The following KIF20B variants were observed in gnomAD, a reference collection of about 807,000 sequenced individuals.
The protein encoded by KIF20B is kinesin-like protein KIF20B.
A neutral mutation model predicts 232.5 loss-of-function variants in KIF20B; 188 were observed. The observed-to-expected ratio is 0.81, with a 90% CI of 0.72 to 0.91. The LOEUF is 0.91. KIF20B is among the 40% of genes least tolerant of loss of function. The probability of loss-of-function intolerance (pLI) is 0.00; values close to 1 mark genes in which losing one functional copy is unlikely to be tolerated. For synonymous variants in KIF20B, 712 were observed against 683.0 expected (o/e 1.04, Z -0.66); for missense variants, 2,154 against 2,055.9 (o/e 1.05, Z -0.92).
intron 16 of KIF20B, among the ~76,000 whole-genome samples, chr10:89,727,145 A>G (rs536409397): frequency 3.9e-5 from 6 of 152,220 alleles, no homozygotes; most frequent in Non-Finnish European, 7.4e-5. Flanking sequence ...TTCTTGCAGT[A>G]TAGAAGATTC....
chr10:89,726,234 C>T (rs1718370728), intron 15 of KIF20B, 59 bp from the exon 16 acceptor site: 32 of 1,405,150 alleles, frequency 2.3e-5, no homozygotes, highest in South Asian at 8.9e-5. Flanking sequence ...TAGATGGTAC[C>T]ACATGTAAAG....
intron 13 of KIF20B, 151 bp from the exon 14 acceptor site, chr10:89,723,811 CAT>C (rs1164338432): frequency 3.0e-6 from 2 of 664,448 alleles, no homozygotes; most frequent in Non-Finnish European, 4.2e-6. Context: ...TCTTTGCAAA[CAT>C]ATAATTTTCA....
intron 5 of KIF20B, among the ~76,000 whole-genome samples, chr10:89,710,562 TCATTTGTAAAAATACTTTACC>T (rs1842816847): frequency 6.6e-6 from 1 of 152,092 alleles, no homozygotes; most frequent in South Asian, 2.1e-4. Flanking sequence ...TTTATTTAAT[TCATTTGTAAAAATACTTTACC>T]CATTGATAGA....
rs891724282 is a variant in KIF20B at position 89,715,213 on chromosome 10, T to A, written c.940+31T>A. 3.7e-6 allele frequency: 5 copies of A among 1,358,248 alleles called. No homozygotes were observed. In the Admixed American group the frequency reaches 7.6e-5, roughly 21 times the overall value. The allele number at this position is 1,358,248 out of a possible 1,614,324, so 84.1% of individuals were successfully genotyped here. On this transcript the variant is annotated intron_variant, in intron 8 of 32. Transcript: ENST00000371728. ...CTAATGAATATTTTTATCTTATTGC[T>A]CTGAAGTTCTCTTCCTGGGCTTTGT...
chr10:89,754,490 T>C lies in KIF20B; in HGVS notation c.4348-28T>C, dbSNP rs751969126. ...TATTGACTACTTTGTAGGCATGCGA[T>C]AATAACTTATACCATTTATATATAC... is the stretch of plus-strand genomic sequence containing the variant. On this transcript the variant is annotated intron_variant, in intron 25 of 32. Coordinates refer to ENST00000371728, the MANE Select transcript of KIF20B (RefSeq NM_001284259.2). 4.9e-6 allele frequency: 7 copies of C among 1,440,916 alleles called. No homozygotes were observed. The African/African-American group carries it at 8.6e-5, about 18-fold the overall frequency. 89.3% of individuals were successfully genotyped at this position (1,440,916 alleles called of 1,614,324 possible). A position where few individuals can be genotyped will look rare whatever the true frequency, so the allele number is the denominator to read the frequency against.
intron 6 of KIF20B, among the ~76,000 whole-genome samples, chr10:89,712,217 T>G (rs1301359311): frequency 6.6e-6 from 1 of 152,128 alleles, no homozygotes; most frequent in Non-Finnish European, 1.5e-5. Flanking sequence ...TATTGTTTGC[T>G]TCTCCCCTGC....
chr10:89,732,173 C>T (rs1318756841), intron 18 of KIF20B, among the ~76,000 whole-genome samples: 2 of 151,234 alleles, frequency 1.3e-5, no homozygotes, highest in East Asian at 1.9e-4. Flanking sequence ...GTTGCCCAGG[C>T]TGAAGTGCAG....
intron 18 of KIF20B, among the ~76,000 whole-genome samples, chr10:89,730,780 A>G (rs1191188211): frequency 6.6e-6 from 1 of 152,186 alleles, no homozygotes; most frequent in Non-Finnish European, 1.5e-5. Context: ...TGAATACTGC[A>G]TTAAAGAGTT....
In KIF20B at chr10:89,772,670, T is replaced by C; in HGVS notation, c.5243-19T>C. ...TTAGAAAATTATTTCAGGAACTAAT[T>C]AACAATTTTATTTTATAGCAAAGAA... On this transcript the variant is annotated intron_variant, in intron 31 of 32. Transcript: ENST00000371728. 6.7e-7 allele frequency: 1 copy of C among 1,482,168 alleles called. No individual in the cohort carries two copies. The highest frequency in any genetic ancestry group is 9.2e-7 in the Non-Finnish European group (1 of 1,087,730). 91.8% of individuals were successfully genotyped at this position (1,482,168 alleles called of 1,614,324 possible).
intron 29 of KIF20B, among the ~76,000 whole-genome samples, chr10:89,766,600 A>T (rs1335545397): frequency 6.6e-6 from 1 of 152,112 alleles, no homozygotes. Context: ...TTTTAAAGTA[A>T]CTTGTTTTAA....
chr10:89,731,824 T>C (rs1365824900), intron 18 of KIF20B, among the ~76,000 whole-genome samples: 1 of 152,220 alleles, frequency 6.6e-6, no homozygotes, highest in African/African-American at 2.4e-5. Context: ...GCGTGGAGAT[T>C]GTTCTTTATG....
At position 89,760,537 on chromosome 10, in the gene KIF20B, C is replaced by T. The variant is rs766686630; in HGVS notation, c.4692C>T (p.Ile1564=). ...TTTCCTTACTTTAGGAAACACAAAT[C>T]ATGGATATCAAGCCCAAACGTATTA... ...ISETSKIETQ[I]MDIKPKRISS... is the part of the protein sequence containing the mutation. The change falls in exon 28 of 33, where the codon ATC becomes ATT. Residue 1564 remains isoleucine, a synonymous_variant. Transcript: ENST00000371728. The T allele has an allele frequency of 1.9e-5, 31 of 1,608,742 alleles. No individual in the cohort carries two copies. Among genetic ancestry groups the T allele is most frequent in the Non-Finnish European group, 2.6e-5 (30 of 1,175,596 alleles).
intron 26 of KIF20B, among the ~76,000 whole-genome samples, chr10:89,757,056 A>G (rs904404403): frequency 3.9e-5 from 5 of 126,868 alleles, no homozygotes; most frequent in African/African-American, 1.4e-4. Context: ...ATATATATAT[A>G]TATATATATA....
intron 12 of KIF20B, 28 bp downstream of exon 12, chr10:89,718,900 A>G (rs889159216): frequency 1.5e-6 from 2 of 1,326,568 alleles, no homozygotes; most frequent in East Asian, 2.5e-5. Context: ...TAAGCCTCTT[A>G]TTATTAGAAT....
intron 23 of KIF20B, among the ~76,000 whole-genome samples, chr10:89,749,828 A>G (rs1194016152): frequency 2.0e-5 from 3 of 152,130 alleles, no homozygotes; most frequent in Non-Finnish European, 4.4e-5. Flanking sequence ...GCTTTTATGA[A>G]CATTTATATG....
chr10:89,739,235 C>A, intron 21 of KIF20B, 139 bp downstream of exon 21: 2 of 879,356 alleles, frequency 2.3e-6, no homozygotes, highest in South Asian at 1.9e-5. Context: ...AGAACAGTTA[C>A]TTCACGAGAG....
chr10:89,725,013 T>A lies in KIF20B; in HGVS notation c.1863-7T>A. On this transcript the variant is annotated splice_polypyrimidine_tract_variant and splice_region_variant and intron_variant, in intron 14 of 32. Coordinates refer to ENST00000371728, the MANE Select transcript of KIF20B (RefSeq NM_001284259.2). Reference sequence around the variant, plus strand: ...GTTTCTTAATGGGATTAATTTGTATTTTGAAGGGAGACTCTGCTTCAAGAA... The same window carrying A: ...GTTTCTTAATGGGATTAATTTGTATATTGAAGGGAGACTCTGCTTCAAGAA... 1 of 1,611,456 alleles carries A rather than the reference T, an allele frequency of 6.2e-7. No individual in the cohort carries two copies. The highest frequency in any genetic ancestry group is 8.5e-7 in the Non-Finnish European group (1 of 1,178,730).
chr10:89,705,776 C>T (rs1365650225), intron 2 of KIF20B, among the ~76,000 whole-genome samples: 1 of 152,182 alleles, frequency 6.6e-6, no homozygotes, highest in East Asian at 1.9e-4. Context: ...AAAATATTAG[C>T]TGTCTAGCTC....
chr10:89,751,572 T>C (rs1210238593), intron 24 of KIF20B, 101 bp downstream of exon 24: 7 of 1,079,100 alleles, frequency 6.5e-6, no homozygotes, highest in Non-Finnish European at 9.4e-6. Context: ...TTTTCAGTGA[T>C]TGATAATGGA....
Sources: allele counts gnomAD v4.1 joint callset (sites outside exome capture counted in the v4.1 genomes callset), GRCh38; gene constraint gnomAD v4.1.1; transcripts MANE v1.5; gene names NCBI Gene and HGNC (gene_info 2026-07-23, HGNC 2026-07-21).